Variants in WDR7 observed in about 807,000 individuals in gnomAD.
WDR7 encodes WD repeat-containing protein 7.
WDR7 carries 46 observed loss-of-function variants against 169.4 expected under a neutral mutation model. The ratio of observed to expected loss-of-function variants is 0.27; its 90% CI spans 0.21 to 0.35. The LOEUF is 0.35. Ranked by LOEUF, WDR7 falls within the 10% of genes least tolerant of loss-of-function variation. The probability of loss-of-function intolerance (pLI) is 1.00; values close to 1 mark genes in which losing one functional copy is unlikely to be tolerated. For synonymous variants in WDR7, 612 were observed against 666.8 expected, an observed-to-expected ratio of 0.92 and a Z score of 1.27; for missense variants, 1,534 against 1,859.3, an observed-to-expected ratio of 0.83 and a Z score of 3.22.
chr18:56,744,328 AT>A (rs1161053387), intron 14 of WDR7, among the ~76,000 whole-genome samples: 2 of 148,954 alleles, frequency 1.3e-5, no homozygotes, highest in Admixed American at 1.3e-4. Flanking sequence ...GTGGATGGGG[AT>A]TGAGGAGAGA....
At chr18:56,801,138 T>G (rs1384464008) in intron 19 of WDR7, among the ~76,000 whole-genome samples, 1 of 152,238 alleles carries the variant, frequency 6.6e-6, no homozygotes, top group Non-Finnish European at 1.5e-5. Context: ...TGTAATTACT[T>G]TCTTTGAATT....
At position 56,997,833 on chromosome 18, in the gene WDR7, A is replaced by G. The variant is rs1055793658; in HGVS notation, c.4165-22912A>G. Among the ~76,000 whole-genome samples the G allele has an allele frequency of 3.0e-4, 46 of 152,200 alleles. 1 individual carries two copies. Among genetic ancestry groups the G allele is most frequent in the African/African-American group, 1.0e-3 (42 of 41,458 alleles). ...ATATAGCAAGAGCTAAAAGTGTTGG[A>G]GAAGGTAATCAGCCTTTCTCCTTTG... is the stretch of plus-strand genomic sequence containing the variant. On this transcript the variant is annotated intron_variant, in intron 26 of 27. Coordinates refer to ENST00000254442, the MANE Select transcript of WDR7 (RefSeq NM_015285.3).
At chr18:56,681,225 A>G in intron 3 of WDR7, 88 bp from the exon 4 acceptor site, 1 of 927,142 alleles carries the variant, frequency 1.1e-6, no homozygotes, top group Non-Finnish European at 1.7e-6. Flanking sequence ...ATTAGTTTTA[A>G]TGGAAGATTA....
chr18:56,672,413 A>G, intron 1 of WDR7, 84 bp from the exon 2 acceptor site: 1 of 1,175,242 alleles, frequency 8.5e-7, no homozygotes, highest in Non-Finnish European at 1.1e-6. Context: ...GATTATTTTC[A>G]AATTGTTGGT....
intron 19 of WDR7, among the ~76,000 whole-genome samples, chr18:56,807,244 C>T (rs868798926): frequency 6.6e-5 from 10 of 151,600 alleles, no homozygotes; most frequent in Middle Eastern, 3.2e-3. Flanking sequence ...TGTAATTCTG[C>T]TTATAGTTTG....
At chr18:56,895,380 T>G (rs2145543238) in intron 21 of WDR7, among the ~76,000 whole-genome samples, 1 of 152,010 alleles carries the variant, frequency 6.6e-6, no homozygotes, top group African/African-American at 2.4e-5. Flanking sequence ...CAGGTAGGCA[T>G]TTTGTCATAG....
intron 26 of WDR7, chr18:57,010,208 A>G (rs2048118112): frequency 1.0e-6 from 1 of 985,348 alleles, no homozygotes; most frequent in African/African-American, 1.7e-5. Flanking sequence ...TACTGAAAAA[A>G]ACATTTAGCT....
At chr18:56,784,179 A>G (rs1568192809) in intron 19 of WDR7, among the ~76,000 whole-genome samples, 1 of 152,138 alleles carries the variant, frequency 6.6e-6, no homozygotes, top group Non-Finnish European at 1.5e-5. Context: ...AGATTAAAGA[A>G]TTTTCTGAAG....
chr18:56,816,138 A>G lies in WDR7; in HGVS notation c.3298A>G (p.Thr1100Ala). 6.2e-7 allele frequency: 1 copy of G among 1,612,052 alleles called. No individual in the cohort carries two copies. The highest frequency in any genetic ancestry group is 1.7e-5 in the Admixed American group (1 of 59,484). Residue 1100 changes from threonine (T) to alanine (A), a missense_variant, in exon 20 of 28, where the codon ACC (threonine) becomes GCC (alanine). Transcript: ENST00000254442. ...GCATGACCTTGTTGACGATGACATCACCACTGGTAAGCACAGACATCTTTA... is the reference window on the plus strand; with the variant it reads ...GCATGACCTTGTTGACGATGACATCGCCACTGGTAAGCACAGACATCTTTA... ...EEHDLVDDDI[T>A]TGCLSSVPQM...
intron 26 of WDR7, among the ~76,000 whole-genome samples, chr18:57,014,186 C>CATG (rs2145922806): frequency 6.6e-6 from 1 of 151,410 alleles, no homozygotes; most frequent in South Asian, 2.1e-4. Flanking sequence ...ATTAGCTGGG[C>CATG]GTCATGGCAT....
chr18:56,843,100 G>T (rs1186823068), intron 20 of WDR7, among the ~76,000 whole-genome samples: 3 of 152,140 alleles, frequency 2.0e-5, no homozygotes, highest in African/African-American at 4.8e-5. Flanking sequence ...GAATTTTGAT[G>T]TTGAAAGTCC....
rs988962079 is a variant in WDR7, at chr18:56,967,401, AT to A, written c.4164+4882del. ...ACATACCTGACTGGAATTTTACTTA[AT>A]TTTTTTTTTAAGTATCTAACTCCCT... On this transcript the variant is annotated intron_variant, in intron 26 of 27. Coordinates refer to ENST00000254442, the MANE Select transcript of WDR7 (RefSeq NM_015285.3). Among the ~76,000 whole-genome samples the A allele has an allele frequency of 7.6e-4, 114 of 150,492 alleles. 3 individuals carry two copies. The highest frequency in any genetic ancestry group is 2.2e-3 in the African/African-American group (91 of 40,980).
chr18:56,888,847 G>A (rs116312820), intron 21 of WDR7, among the ~76,000 whole-genome samples: 1,584 of 152,246 alleles, frequency 0.01, 31 homozygotes, highest in African/African-American at 0.034. Context: ...GTATTCTTAG[G>A]ATCAATGTCT....
intron 26 of WDR7, among the ~76,000 whole-genome samples, chr18:56,975,051 A>G (rs1247846301): frequency 2.0e-5 from 3 of 152,070 alleles, no homozygotes; most frequent in Non-Finnish European, 4.4e-5. Flanking sequence ...CACCCTGGCT[A>G]ACATGGTGAA....
intron 20 of WDR7, among the ~76,000 whole-genome samples, chr18:56,879,458 C>T: frequency 6.6e-6 from 1 of 152,082 alleles, no homozygotes; most frequent in East Asian, 1.9e-4. Context: ...ATTATTGAGT[C>T]ATGAAAGTTT....
chr18:56,979,432 CT>C (rs1015841724), intron 26 of WDR7, among the ~76,000 whole-genome samples: 4 of 152,176 alleles, frequency 2.6e-5, no homozygotes, highest in Non-Finnish European at 5.9e-5. Flanking sequence ...AACCAGTGCC[CT>C]TTTTGATGTC....
intron 14 of WDR7, among the ~76,000 whole-genome samples, chr18:56,747,067 C>G (rs1377595832): frequency 1.3e-5 from 2 of 152,132 alleles, no homozygotes; most frequent in African/African-American, 4.8e-5. Flanking sequence ...ACTAAATAAC[C>G]CAGGATTTGA....
chr18:56,938,401 A>G (rs1179633515), intron 23 of WDR7, 132 bp from the exon 24 acceptor site: 2 of 1,173,760 alleles, frequency 1.7e-6, no homozygotes, highest in African/African-American at 1.6e-5. Context: ...TTTGTAAACA[A>G]AAGTATTTTC....
chr18:56,915,079 A>T (rs548293054), intron 21 of WDR7, among the ~76,000 whole-genome samples: 3 of 152,308 alleles, frequency 2.0e-5, no homozygotes, highest in South Asian at 2.1e-4. Flanking sequence ...CAGTTATTGT[A>T]TGCTTTCCAT....
Sources: allele counts gnomAD v4.1 joint callset (sites outside exome capture counted in the v4.1 genomes callset), GRCh38; gene constraint gnomAD v4.1.1; transcripts MANE v1.5; gene names NCBI Gene and HGNC (gene_info 2026-07-23, HGNC 2026-07-21).